ZNF628: variants seen among roughly 807,000 people sequenced by gnomAD.
The protein encoded by ZNF628 is zinc finger protein Zec.
Under a neutral mutation model 2.5 loss-of-function variants are expected in ZNF628, and 3 were observed. The observed-to-expected ratio is 1.19, with a 90% CI of 0.54 to 3.07. ZNF628 has a LOEUF of 3.07. Among genes scored for constraint, ZNF628 ranks in the 30% most tolerant of loss-of-function variants. The pLI is 0.03. For synonymous variants in ZNF628, 861 were observed against 717.1 expected (o/e 1.20, Z -3.21); for missense variants, 1,610 against 1,517.1 (o/e 1.06, Z -1.02).
In ZNF628 at chr19:55,482,579, C is replaced by G. The variant is rs373243187; in HGVS notation, c.1386C>G (p.Ser462=). 6.9e-6 allele frequency: 11 copies of G among 1,599,568 alleles called. No individual in the cohort carries two copies. In the African/African-American group the frequency reaches 1.3e-4, roughly 19 times the overall value. Residue 462 remains serine, a synonymous_variant, in exon 3 of 3, where the codon TCC becomes TCG. Coordinates refer to ENST00000598519, the MANE Select transcript of ZNF628 (RefSeq NM_033113.3). ...ACAAATGTGCCGAGTGCGGCAAGTC[C>G]TTCAAGGGCTCCTCCGGGCTGCGCT... ...RPYKCAECGK[S]FKGSSGLRYH... is the part of the protein sequence containing the mutation.
At position 55,482,682 on chromosome 19, in the gene ZNF628, C is replaced by T. The variant is rs752265736; in HGVS notation, c.1489C>T (p.Leu497=). Residue 497 remains leucine (L), a synonymous_variant, in exon 3 of 3, where the codon CTG becomes TTG. Transcript: ENST00000598519. ...CAAGGCCTTCAAGCGCTCCTCCCTG[C>T]TGGCCATCCACCAGCGGGTGCACAC... ...CGKAFKRSSL[L]AIHQRVHTGL... is the part of the protein sequence containing the mutation. 1 of 1,612,642 alleles carries T rather than the reference C, an allele frequency of 6.2e-7. No individual in the cohort carries two copies. Among genetic ancestry groups the T allele is most frequent in the East Asian group, 2.2e-5 (1 of 44,854 alleles).
chr19:55,482,053 C>G lies in ZNF628; in HGVS notation c.860C>G (p.Ala287Gly). 2.0e-6 allele frequency: 3 copies of G among 1,488,888 alleles called. No individual in the cohort carries two copies. Among genetic ancestry groups the G allele is most frequent in the Non-Finnish European group, 2.7e-6 (3 of 1,120,728 alleles). 92.2% of individuals were successfully genotyped at this position (1,488,888 alleles called of 1,614,324 possible). Reference sequence around the variant, plus strand: ...GTGCCTGAGCTCTTTTTGGCGGCGGCGGAGACCACGGTGGAGCTGGTGTAC... The same window carrying G: ...GTGCCTGAGCTCTTTTTGGCGGCGGGGGAGACCACGGTGGAGCTGGTGTAC... Reference protein sequence around the residue: ...PVVPELFLAAAETTVELVYRC... With the variant: ...PVVPELFLAAGETTVELVYRC... The change falls in exon 3 of 3, where the codon GCG becomes GGG. Residue 287 changes from alanine to glycine, a missense_variant. Physicochemically the swap from Ala to Gly is moderately conservative, Grantham distance 60 (BLOSUM62 0). This residue lies in a region of ZNF628 where 651 missense variants were observed against 575.6 expected (regional missense o/e 1.13). Coordinates refer to ENST00000598519, the MANE Select transcript of ZNF628 (RefSeq NM_033113.3).
In ZNF628 at chr19:55,482,222, G is replaced by T; in HGVS notation, c.1029G>T (p.Pro343=). Residue 343 remains proline, a synonymous_variant, in exon 3 of 3, where the codon CCG becomes CCT. Coordinates refer to ENST00000598519, the MANE Select transcript of ZNF628 (RefSeq NM_033113.3). ...PKADQPPSPL[P]QPPPPAAAPA... ...CCGACCAGCCACCGTCCCCTCTGCC[G>T]CAGCCCCCTCCTCCCGCCGCCGCCC... 1 of 1,462,268 alleles carries T rather than the reference G, an allele frequency of 6.8e-7. No homozygotes were observed. Among genetic ancestry groups the T allele is most frequent in the Non-Finnish European group, 9.0e-7 (1 of 1,114,288 alleles). The allele number at this position is 1,462,268 out of a possible 1,614,324, so 90.6% of individuals were successfully genotyped here. A position where few individuals can be genotyped will look rare whatever the true frequency, so the allele number is the denominator to read the frequency against.
rs1263802777 is a variant in ZNF628 at position 55,484,118 on chromosome 19, C to T, written c.2925C>T (p.Leu975=). ...CCGGCCCACCCGGACAGAAACTCCT[C>T]ATCATCCGCAGCGCCCCAGCCACTG... ...PATGPPGQKL[L]IIRSAPATEL... is the part of the protein sequence containing the mutation. Residue 975 remains leucine (L), a synonymous_variant, in exon 3 of 3, where the codon CTC becomes CTT. Transcript: ENST00000598519. The T allele has an allele frequency of 1.3e-6, 2 of 1,590,930 alleles. No homozygotes were observed. Among genetic ancestry groups the T allele is most frequent in the Non-Finnish European group, 1.7e-6 (2 of 1,170,698 alleles).
rs1312910972 is a variant in ZNF628, at chr19:55,484,268, A to T, written c.3075A>T (p.Gln1025His). 6.5e-7 allele frequency: 1 copy of T among 1,547,256 alleles called. No individual in the cohort carries two copies. Among genetic ancestry groups the T allele is most frequent in the Non-Finnish European group, 8.7e-7 (1 of 1,145,402 alleles). The change falls in exon 3 of 3, where the codon CAA (glutamine) becomes CAT (histidine). Residue 1025 changes from glutamine to histidine, a missense_variant. Around this residue, in one of 5 missense-constraint regions of ZNF628, gnomAD observed 712 missense variants for 603.6 expected, o/e 1.18. Coordinates refer to ENST00000598519, the MANE Select transcript of ZNF628 (RefSeq NM_033113.3). ...GGGCTCCAGCCTCCCAGATGGTGCA[A>T]GTGGTCCCCGCAGGAGCTGGGCCTG... is the stretch of plus-strand genomic sequence containing the variant. Reference protein sequence around the residue: ...LPGAPASQMVQVVPAGAGPGV... With the variant: ...LPGAPASQMVHVVPAGAGPGV...
At chr19:55,477,365 T>TG (rs989783254) in intron 1 of ZNF628, among the ~76,000 whole-genome samples, 3 of 149,628 alleles carry the variant, frequency 2.0e-5, no homozygotes, top group African/African-American at 7.4e-5. Flanking sequence ...TTTTTTTTTT[T>TG]TTTTTTTTTT....
chr19:55,481,887 C>G lies in ZNF628; in HGVS notation c.694C>G (p.Pro232Ala). ...GCGCACGCACGGCGCCGCCCCCGCCCCGGGTACCGCCTCCGCGGCCCCGCC... is the reference window on the plus strand; with the variant it reads ...GCGCACGCACGGCGCCGCCCCCGCCGCGGGTACCGCCTCCGCGGCCCCGCC... ...HQRTHGAAPA[P>A]GTASAAPPPQ... The change falls in exon 3 of 3, where the codon CCG (proline) becomes GCG (alanine). Residue 232 changes from proline (P) to alanine (A), a missense_variant. Pro to Ala is a conservative substitution (Grantham distance 27, BLOSUM62 -1). Around this residue, in one of 5 missense-constraint regions of ZNF628, gnomAD observed 651 missense variants for 575.6 expected, o/e 1.13. Transcript: ENST00000598519. 1 of 1,513,284 alleles carries G rather than the reference C, an allele frequency of 6.6e-7. No individual in the cohort carries two copies. 93.7% of individuals were successfully genotyped at this position (1,513,284 alleles called of 1,614,324 possible).
Position 55,483,179 on chromosome 19 carries a change from C to A in ZNF628, c.1986C>A (p.Pro662=). 6.5e-7 allele frequency: 1 copy of A among 1,550,330 alleles called. No homozygotes were observed. The highest frequency in any genetic ancestry group is 1.2e-5 in the South Asian group (1 of 84,886). Residue 662 remains proline, a synonymous_variant, in exon 3 of 3, where the codon CCC becomes CCA. Transcript: ENST00000598519. ...CAGCCCCTGCCGCCGGCCCCCAGCC[C>A]CCTGCTCCACTGGCTGCTGCGCGGG... ...STTAPAAGPQ[P]PAPLAAARAP... is the part of the protein sequence containing the mutation.
intron 1 of ZNF628, among the ~76,000 whole-genome samples, chr19:55,477,730 C>G (rs1303973942): frequency 6.6e-6 from 1 of 151,776 alleles, no homozygotes; most frequent in Non-Finnish European, 1.5e-5. Context: ...CCACTGCACT[C>G]CAGCCTCGGT....
chr19:55,481,891 G>C lies in ZNF628; in HGVS notation c.698G>C (p.Gly233Ala), dbSNP rs1986718976. The stretch of plus-strand genomic sequence containing the variant: ...ACGCACGGCGCCGCCCCCGCCCCGG[G>C]TACCGCCTCCGCGGCCCCGCCCCCC... ...QRTHGAAPAP[G>A]TASAAPPPQS... Residue 233 changes from glycine to alanine, a missense_variant, in exon 3 of 3, where the codon GGT (glycine) becomes GCT (alanine). Coordinates refer to ENST00000598519, the MANE Select transcript of ZNF628 (RefSeq NM_033113.3). 1.3e-6 allele frequency: 2 copies of C among 1,509,084 alleles called. No homozygotes were observed. Among genetic ancestry groups the C allele is most frequent in the African/African-American group, 1.4e-5 (1 of 70,614 alleles). 93.5% of individuals were successfully genotyped at this position (1,509,084 alleles called of 1,614,324 possible).
Position 55,476,737 on chromosome 19 carries a change from C to T in ZNF628, c.-148C>T, listed in dbSNP as rs1298820219. The T allele has an allele frequency of 1.3e-5, 2 of 151,534 alleles. No homozygotes were observed. Among genetic ancestry groups the T allele is most frequent in the Non-Finnish European group, 1.5e-5 (1 of 67,838 alleles). The allele number at this position is 151,534 out of a possible 1,614,324, so 9.4% of individuals were successfully genotyped here. A position where few individuals can be genotyped will look rare whatever the true frequency, so the allele number is the denominator to read the frequency against. On this transcript the variant is annotated 5_prime_UTR_variant, in exon 1 of 3. Coordinates refer to ENST00000598519, the MANE Select transcript of ZNF628 (RefSeq NM_033113.3). ...ACAGCTGCACCGCCGCTGCCGGGGC[C>T]CCACCTTCCCGTCGACCCCCGCGGG...
At position 55,481,331 on chromosome 19, in the gene ZNF628, G is replaced by A; in HGVS notation, c.138G>A (p.Arg46=). Residue 46 remains arginine, a synonymous_variant, in exon 3 of 3, where the codon CGG becomes CGA. Transcript: ENST00000598519. ...YECGECGKSF[R]WSSRLLHHQR... ...GTGGGGAGTGTGGCAAGTCATTCCGGTGGTCGTCCCGGCTCCTGCACCACC... is the reference window on the plus strand; with the variant it reads ...GTGGGGAGTGTGGCAAGTCATTCCGATGGTCGTCCCGGCTCCTGCACCACC... 2 of 1,612,040 alleles carry A rather than the reference G, an allele frequency of 1.2e-6. No individual in the cohort carries two copies. The highest frequency in any genetic ancestry group is 1.7e-6 in the Non-Finnish European group (2 of 1,179,510).
At chr19:55,478,701 G>C (rs1986623563) in intron 1 of ZNF628, among the ~76,000 whole-genome samples, 1 of 152,214 alleles carries the variant, frequency 6.6e-6, no homozygotes, top group Admixed American at 6.5e-5. Context: ...AGCTGCCTGG[G>C]AGAGAGACAG....
rs1377539038 is a variant in ZNF628 at position 55,483,059 on chromosome 19, C to T, written c.1866C>T (p.Phe622=). Residue 622 remains phenylalanine, a synonymous_variant, in exon 3 of 3, where the codon TTC becomes TTT. Transcript: ENST00000598519. ...GCACGCACTCGGCGGAGCGCCCCTTCACCTGCCCCATCTGCGGTCGCGGCT... is the reference window on the plus strand; with the variant it reads ...GCACGCACTCGGCGGAGCGCCCCTTTACCTGCCCCATCTGCGGTCGCGGCT... ...HQRTHSAERP[F]TCPICGRGFV... is the part of the protein sequence containing the mutation. The T allele has an allele frequency of 6.2e-7, 1 of 1,611,094 alleles. No individual in the cohort carries two copies. Among genetic ancestry groups the T allele is most frequent in the East Asian group, 2.2e-5 (1 of 44,860 alleles).
In ZNF628 at chr19:55,482,058, A is replaced by G; in HGVS notation, c.865A>G (p.Thr289Ala). Residue 289 changes from threonine (T) to alanine (A), a missense_variant, in exon 3 of 3, where the codon ACC (threonine) becomes GCC (alanine). This residue lies in a region of ZNF628 where 651 missense variants were observed against 575.6 expected (regional missense o/e 1.13). Transcript: ENST00000598519. ...TGAGCTCTTTTTGGCGGCGGCGGAG[A>G]CCACGGTGGAGCTGGTGTACCGCTG... ...VPELFLAAAE[T>A]TVELVYRCDG... 6.8e-7 allele frequency: 1 copy of G among 1,467,568 alleles called. No individual in the cohort carries two copies. The highest frequency in any genetic ancestry group is 9.0e-7 in the Non-Finnish European group (1 of 1,108,284). The allele number at this position is 1,467,568 out of a possible 1,614,324, so 90.9% of individuals were successfully genotyped here. A position where few individuals can be genotyped will look rare whatever the true frequency, so the allele number is the denominator to read the frequency against.
In ZNF628 at chr19:55,483,045, G is replaced by A. The variant is rs1986780473; in HGVS notation, c.1852G>A (p.Ala618Thr). 6.2e-7 allele frequency: 1 copy of A among 1,611,534 alleles called. No individual in the cohort carries two copies. Among genetic ancestry groups the A allele is most frequent in the Non-Finnish European group, 8.5e-7 (1 of 1,179,492 alleles). Residue 618 changes from alanine (A) to threonine (T), a missense_variant, in exon 3 of 3, where the codon GCG (alanine) becomes ACG (threonine). Ala to Thr is a moderately conservative substitution (Grantham distance 58). This residue lies in a region of ZNF628 where 712 missense variants were observed against 603.6 expected (regional missense o/e 1.18). Transcript: ENST00000598519. ...GCTGCTGCACCAGCGCACGCACTCGGCGGAGCGCCCCTTCACCTGCCCCAT... is the reference window on the plus strand; with the variant it reads ...GCTGCTGCACCAGCGCACGCACTCGACGGAGCGCCCCTTCACCTGCCCCAT... ...NLLLHQRTHS[A>T]ERPFTCPICG...
Position 55,482,264 on chromosome 19 carries a change from C to A in ZNF628, c.1071C>A (p.Ala357=). 1 of 1,466,398 alleles carries A rather than the reference C, an allele frequency of 6.8e-7. No individual in the cohort carries two copies. The highest frequency in any genetic ancestry group is 9.0e-7 in the Non-Finnish European group (1 of 1,115,908). The allele number at this position is 1,466,398 out of a possible 1,614,324, so 90.8% of individuals were successfully genotyped here. A position where few individuals can be genotyped will look rare whatever the true frequency, so the allele number is the denominator to read the frequency against. The change falls in exon 3 of 3, where the codon GCC becomes GCA. Residue 357 remains alanine, a synonymous_variant. Coordinates refer to ENST00000598519, the MANE Select transcript of ZNF628 (RefSeq NM_033113.3). ...PPAAAPAPGF[A]CLPCGKSFRT... The stretch of plus-strand genomic sequence containing the variant: ...CCGCCGCCCCCGCGCCTGGCTTTGC[C>A]TGTCTGCCCTGCGGCAAGTCCTTCC...
Position 55,482,331 on chromosome 19 carries a change from G to A in ZNF628, c.1138G>A (p.Ala380Thr). ...GLSRHQHSHG[A>T]AGGQAFRCGS... ...CTCCCGCCACCAGCACAGCCACGGG[G>A]CTGCCGGCGGGCAAGCGTTCCGCTG... The change falls in exon 3 of 3, where the codon GCT (alanine) becomes ACT (threonine). Residue 380 changes from alanine (A) to threonine (T), a missense_variant. Around this residue, in one of 5 missense-constraint regions of ZNF628, gnomAD observed 651 missense variants for 575.6 expected, o/e 1.13. Coordinates refer to ENST00000598519, the MANE Select transcript of ZNF628 (RefSeq NM_033113.3). 1.4e-6 allele frequency: 2 copies of A among 1,456,462 alleles called. No individual in the cohort carries two copies. Among genetic ancestry groups the A allele is most frequent in the Non-Finnish European group, 1.8e-6 (2 of 1,110,012 alleles). The allele number at this position is 1,456,462 out of a possible 1,614,324, so 90.2% of individuals were successfully genotyped here.
chr19:55,482,651 G>A lies in ZNF628; in HGVS notation c.1458G>A (p.Glu486=), dbSNP rs1304407317. 4 of 1,610,170 alleles carry A rather than the reference G, an allele frequency of 2.5e-6. No individual in the cohort carries two copies. The East Asian group carries it at 8.9e-5, about 36-fold the overall frequency. ...HTGERPYQCG[E]CGKAFKRSSL... ...GCGAGCGGCCCTACCAGTGTGGCGA[G>A]TGCGGCAAGGCCTTCAAGCGCTCCT... Residue 486 remains glutamate (E), a synonymous_variant, in exon 3 of 3, where the codon GAG becomes GAA. Transcript: ENST00000598519.
Sources: gnomAD v4.1 joint callset for allele counts (sites outside exome capture counted in the v4.1 genomes callset) on GRCh38, gnomAD v4.1.1 for gene constraint, gnomAD v4.1.1 regional missense constraint, MANE v1.5 for transcripts, NCBI Gene and HGNC (gene_info 2026-07-23, HGNC 2026-07-21) for gene names.